Variants in PTPRD observed in about 807,000 individuals in gnomAD.
PTPRD encodes the protein protein tyrosine phosphatase receptor type D.
In PTPRD, 34 loss-of-function variants were observed where a neutral mutation model predicts 214.5. The ratio of observed to expected loss-of-function variants is 0.16; its 90% CI spans 0.12 to 0.21. The LOEUF (loss-of-function observed/expected upper bound fraction) is 0.21, where lower values mean the gene tolerates loss of function less well. PTPRD is among the 10% of genes least tolerant of loss of function. The pLI is 1.00. For synonymous variants in PTPRD, 1,128 were observed against 845.7 expected (o/e 1.33, Z -5.79); for missense variants, 2,545 against 2,398.7 (o/e 1.06, Z -1.27).
At chr9:9,274,852 T>C (rs537415006) in intron 9 of PTPRD, among the ~76,000 whole-genome samples, 5 of 149,518 alleles carry the variant, frequency 3.3e-5, no homozygotes, top group African/African-American at 1.2e-4. Flanking sequence ...GAGATATTCA[T>C]ATAGGTTTAG....
At chr9:8,773,677 C>G (rs1299728885) in intron 11 of PTPRD, among the ~76,000 whole-genome samples, 2 of 152,158 alleles carry the variant, frequency 1.3e-5, no homozygotes, top group Non-Finnish European at 2.9e-5. Context: ...AAAATAAATT[C>G]CAAGCTCTTT....
intron 11 of PTPRD, among the ~76,000 whole-genome samples, chr9:8,977,555 G>T (rs1259754625): frequency 6.6e-6 from 1 of 151,872 alleles, no homozygotes; most frequent in Non-Finnish European, 1.5e-5. Flanking sequence ...TTGTCATACA[G>T]TCATCATCTT....
At chr9:8,462,986 C>CA (rs1161246962) in intron 32 of PTPRD, among the ~76,000 whole-genome samples, 2 of 151,728 alleles carry the variant, frequency 1.3e-5, no homozygotes, top group Non-Finnish European at 2.9e-5. Context: ...CTGAATAAGA[C>CA]AAAAAATGTT....
Position 8,733,903 on chromosome 9 carries a change from C to G in PTPRD, c.-60G>C, listed in dbSNP as rs376893644. The stretch of plus-strand genomic sequence containing the variant: ...GGAATCACTGCCTCCGGAGCCGCAG[C>G]GAGTCTGTCCGATCTGAAATTTCAG... On this transcript the variant is annotated 5_prime_UTR_variant, in exon 12 of 46. Transcript: ENST00000381196. 1.3e-6 allele frequency: 2 copies of G among 1,493,150 alleles called. No homozygotes were observed. The highest frequency in any genetic ancestry group is 2.5e-5 in the East Asian group (1 of 40,564). The allele number at this position is 1,493,150 out of a possible 1,614,324, so 92.5% of individuals were successfully genotyped here.
At chr9:10,432,388 T>A (rs904281251) in intron 2 of PTPRD, among the ~76,000 whole-genome samples, 24 of 151,524 alleles carry the variant, frequency 1.6e-4, no homozygotes, top group African/African-American at 5.3e-4. Context: ...TATACATATG[T>A]AACTAACCTG....
intron 11 of PTPRD, among the ~76,000 whole-genome samples, chr9:8,889,125 T>G (rs2154235834): frequency 6.6e-6 from 1 of 152,280 alleles, no homozygotes; most frequent in South Asian, 2.1e-4. Flanking sequence ...AGGAATTCAT[T>G]GCAGGGAAAT....
chr9:10,138,721 T>G (rs143462205), intron 3 of PTPRD, among the ~76,000 whole-genome samples: 1 of 152,288 alleles, frequency 6.6e-6, no homozygotes, highest in Non-Finnish European at 1.5e-5. Context: ...ATAGGCTTTC[T>G]TCCTGGGATG....
chr9:9,034,606 C>T (rs749729962), intron 10 of PTPRD, among the ~76,000 whole-genome samples: 22 of 152,076 alleles, frequency 1.4e-4, no homozygotes, highest in African/African-American at 1.4e-4. Context: ...CCAGTGGTGA[C>T]GGCCTTTTCT....
At chr9:9,088,869 C>T (rs945191398) in intron 10 of PTPRD, among the ~76,000 whole-genome samples, 2 of 152,094 alleles carry the variant, frequency 1.3e-5, no homozygotes, top group Non-Finnish European at 2.9e-5. Flanking sequence ...TGTCTGTAGT[C>T]TCTGTTTCCT....
chr9:9,075,593 A>G (rs1411188945), intron 10 of PTPRD, among the ~76,000 whole-genome samples: 1 of 151,820 alleles, frequency 6.6e-6, no homozygotes, highest in Non-Finnish European at 1.5e-5. Context: ...CTGATGTGTG[A>G]TGTTCCCCAC....
intron 5 of PTPRD, among the ~76,000 whole-genome samples, chr9:9,781,313 C>G (rs1286589158): frequency 6.6e-6 from 1 of 151,996 alleles, no homozygotes; most frequent in Non-Finnish European, 1.5e-5. Flanking sequence ...TTTTGTACAT[C>G]TAACACTGTT....
intron 8 of PTPRD, among the ~76,000 whole-genome samples, chr9:9,469,648 G>A (rs377047983): frequency 7.2e-5 from 11 of 152,220 alleles, no homozygotes; most frequent in Non-Finnish European, 1.3e-4. Flanking sequence ...TATATATTAC[G>A]GTGGATGTGC....
At chr9:8,583,871 G>C (rs2093405230) in intron 14 of PTPRD, among the ~76,000 whole-genome samples, 1 of 152,192 alleles carries the variant, frequency 6.6e-6, no homozygotes, top group Non-Finnish European at 1.5e-5. Context: ...GCAAAGTTCA[G>C]CTGGGTGCAG....
chr9:9,652,893 C>T (rs2096401484), intron 7 of PTPRD, among the ~76,000 whole-genome samples: 1 of 152,056 alleles, frequency 6.6e-6, no homozygotes, highest in African/African-American at 2.4e-5. Context: ...GGATTATAGG[C>T]ATGTGCCACT....
At chr9:8,607,258 T>C (rs1237281166) in intron 14 of PTPRD, among the ~76,000 whole-genome samples, 2 of 152,224 alleles carry the variant, frequency 1.3e-5, no homozygotes, top group Admixed American at 6.5e-5. Context: ...AGTGTATATA[T>C]ACTTAAAAAC....
intron 5 of PTPRD, among the ~76,000 whole-genome samples, chr9:9,783,679 T>C (rs1490020771): frequency 6.6e-6 from 1 of 152,096 alleles, no homozygotes; most frequent in Non-Finnish European, 1.5e-5. Flanking sequence ...TGTTGTCTCC[T>C]CTACCTTCTT....
At chr9:8,822,186 C>G (rs1158144378) in intron 11 of PTPRD, among the ~76,000 whole-genome samples, 1 of 152,186 alleles carries the variant, frequency 6.6e-6, no homozygotes, top group Non-Finnish European at 1.5e-5. Flanking sequence ...GTTTCTTACT[C>G]TGTACCAAGT....
chr9:9,826,563 T>G (rs1055761513), intron 5 of PTPRD, among the ~76,000 whole-genome samples: 1 of 152,032 alleles, frequency 6.6e-6, no homozygotes, highest in Non-Finnish European at 1.5e-5. Flanking sequence ...ATAGCCATTA[T>G]TGATTATAAA....
chr9:9,135,740 T>G (rs1476033858), intron 10 of PTPRD, among the ~76,000 whole-genome samples: 1 of 152,202 alleles, frequency 6.6e-6, no homozygotes, highest in Admixed American at 6.5e-5. Context: ...TGGCTATGAA[T>G]GTTATATTGT....
Sources: allele counts gnomAD v4.1 joint callset (sites outside exome capture counted in the v4.1 genomes callset), GRCh38; gene constraint gnomAD v4.1.1; transcripts MANE v1.5; gene names NCBI Gene and HGNC (gene_info 2026-07-23, HGNC 2026-07-21).